Variants in ATP6V0E1 observed in about 807,000 individuals in gnomAD.
The protein encoded by ATP6V0E1 is ATPase H+ transporting V0 subunit e1.
A neutral mutation model predicts 11.6 loss-of-function variants in ATP6V0E1; 4 were observed. That is an observed-to-expected ratio of 0.35 (90% confidence interval 0.17 to 0.79). The LOEUF (loss-of-function observed/expected upper bound fraction) is 0.79. Among genes scored for constraint, ATP6V0E1 ranks in the 30% least tolerant of loss-of-function variants. The probability of loss-of-function intolerance (pLI) is 0.54; values close to 1 mark genes in which losing one functional copy is unlikely to be tolerated. For synonymous variants in ATP6V0E1, 36 were observed against 34.8 expected (o/e 1.04, Z -0.13); for missense variants, 105 against 100.0 (o/e 1.05, Z -0.21).
intron 2 of ATP6V0E1, among the ~76,000 whole-genome samples, chr5:173,003,023 TTTTC>T (rs1756181924): frequency 6.6e-6 from 1 of 152,070 alleles, no homozygotes; most frequent in Non-Finnish European, 1.5e-5. Context: ...CCTGTCCCTT[TTTTC>T]TTTCTTTTTT....
intron 3 of ATP6V0E1, among the ~76,000 whole-genome samples, chr5:173,030,022 C>T (rs1019479080): frequency 1.3e-5 from 2 of 152,194 alleles, no homozygotes; most frequent in East Asian, 1.9e-4. Context: ...TACACTCTCC[C>T]GTGAAAATTC....
chr5:173,015,775 A>G (rs899362774), intron 2 of ATP6V0E1, among the ~76,000 whole-genome samples: 1 of 152,124 alleles, frequency 6.6e-6, no homozygotes, highest in African/African-American at 2.4e-5. Context: ...CATCCAGGCT[A>G]AAGTGCAGTG....
rs115748970 is a variant in ATP6V0E1, at chr5:173,021,014, G to A, written c.*36+647G>A. The stretch of plus-strand genomic sequence containing the variant: ...TTTGTGTTGCTATAAAGGAATACAT[G>A]AGACTGGGTAATTTATATTTGGCTC... On this transcript the variant is annotated intron_variant, in intron 3 of 3. Transcript: ENST00000519374. 2.0e-3 allele frequency: 962 copies of A among 472,566 alleles called. 9 individuals are homozygous for A. The highest frequency in any genetic ancestry group is 0.018 in the African/African-American group (883 of 50,406). The allele number at this position is 472,566 out of a possible 1,614,324, so 29.3% of individuals were successfully genotyped here.
intron 1 of ATP6V0E1, among the ~76,000 whole-genome samples, chr5:172,984,972 T>C (rs1415025295): frequency 6.6e-6 from 1 of 152,138 alleles, no homozygotes; most frequent in African/African-American, 2.4e-5. Flanking sequence ...TTTGGCCAGG[T>C]GCCGTGGCTC....
chr5:173,013,113 T>G (rs1756353447), intron 2 of ATP6V0E1, among the ~76,000 whole-genome samples: 1 of 151,812 alleles, frequency 6.6e-6, no homozygotes, highest in South Asian at 2.1e-4. Flanking sequence ...GCCTGGGAGA[T>G]CAAGGCTGCA....
At chr5:173,030,320 T>G (rs1756629638) in intron 3 of ATP6V0E1, among the ~76,000 whole-genome samples, 1 of 152,196 alleles carries the variant, frequency 6.6e-6, no homozygotes, top group Non-Finnish European at 1.5e-5. Context: ...TCTAAAATTT[T>G]TAAACAGATA....
At chr5:173,028,217 T>G (rs959094735) in intron 3 of ATP6V0E1, among the ~76,000 whole-genome samples, 1 of 152,214 alleles carries the variant, frequency 6.6e-6, no homozygotes, top group Non-Finnish European at 1.5e-5. Flanking sequence ...AACAGAATTA[T>G]AGTGGTATCG....
chr5:173,029,554 T>G (rs1050248629), intron 3 of ATP6V0E1, among the ~76,000 whole-genome samples: 1 of 152,164 alleles, frequency 6.6e-6, no homozygotes, highest in Non-Finnish European at 1.5e-5. Flanking sequence ...CCGTCATCTA[T>G]CTACAGAATA....
intron 3 of ATP6V0E1, among the ~76,000 whole-genome samples, chr5:173,030,441 GTTT>G (rs60654421): frequency 1.6e-5 from 2 of 127,550 alleles, no homozygotes; most frequent in Non-Finnish European, 1.7e-5. Flanking sequence ...TCAGTTTTTT[GTTT>G]TTTTTTTTTT....
chr5:172,988,404 C>A (rs918946381), intron 1 of ATP6V0E1, among the ~76,000 whole-genome samples: 18 of 152,134 alleles, frequency 1.2e-4, no homozygotes, highest in Non-Finnish European at 8.8e-5. Context: ...ATCCCTGTGA[C>A]CTTGACGATT....
At chr5:173,010,505 A>G (rs1399028119) in intron 2 of ATP6V0E1, among the ~76,000 whole-genome samples, 1 of 152,214 alleles carries the variant, frequency 6.6e-6, no homozygotes, top group East Asian at 1.9e-4. Context: ...GCCTGGATTC[A>G]GTTCACCGAT....
At chr5:173,008,170 A>T (rs1000077364) in intron 2 of ATP6V0E1, among the ~76,000 whole-genome samples, 8 of 152,208 alleles carry the variant, frequency 5.3e-5, no homozygotes, top group African/African-American at 1.9e-4. Context: ...CTTGTTTATC[A>T]CAGAGCACAC....
chr5:173,020,853 A>T, intron 3 of ATP6V0E1: 2 of 520,000 alleles, frequency 3.8e-6, no homozygotes, highest in Non-Finnish European at 7.7e-6. Context: ...CACTGGTGCA[A>T]GACAGAGCTG....
At chr5:173,019,150 C>G (rs1756443877) in intron 2 of ATP6V0E1, among the ~76,000 whole-genome samples, 1 of 152,144 alleles carries the variant, frequency 6.6e-6, no homozygotes, top group Non-Finnish European at 1.5e-5. Context: ...GAGACGGGTT[C>G]TCACTGTGTT....
chr5:173,014,839 A>C (rs1756379051), intron 2 of ATP6V0E1, among the ~76,000 whole-genome samples: 1 of 152,158 alleles, frequency 6.6e-6, no homozygotes, highest in South Asian at 2.1e-4. Flanking sequence ...ATTGCAAAAT[A>C]GGGTGACTAT....
intron 3 of ATP6V0E1, among the ~76,000 whole-genome samples, chr5:173,033,917 T>C (rs996512962): frequency 1.3e-5 from 2 of 151,890 alleles, no homozygotes; most frequent in Non-Finnish European, 2.9e-5. Context: ...AAGAAAAGTG[T>C]CATTTGTCAC....
At chr5:173,031,901 T>G (rs930440876) in intron 3 of ATP6V0E1, among the ~76,000 whole-genome samples, 4 of 151,700 alleles carry the variant, frequency 2.6e-5, no homozygotes, top group Admixed American at 2.6e-4. Flanking sequence ...TCCCAGCGCT[T>G]TGGGAGGCTG....
At chr5:173,010,559 A>T (rs1331249090) in intron 2 of ATP6V0E1, among the ~76,000 whole-genome samples, 2 of 152,152 alleles carry the variant, frequency 1.3e-5, no homozygotes, top group Admixed American at 6.5e-5. Context: ...TCTAATACCG[A>T]ATCCCATGTT....
At chr5:173,003,530 T>C (rs1033556652) in intron 2 of ATP6V0E1, among the ~76,000 whole-genome samples, 1 of 152,124 alleles carries the variant, frequency 6.6e-6, no homozygotes, top group African/African-American at 2.4e-5. Context: ...GAACAGACTG[T>C]TTGGCGGGGA....
Sources: gnomAD v4.1 joint callset for allele counts (sites outside exome capture counted in the v4.1 genomes callset) on GRCh38, gnomAD v4.1.1 for gene constraint, MANE v1.5 for transcripts, NCBI Gene and HGNC (gene_info 2026-07-23, HGNC 2026-07-21) for gene names.